Variants in KCNJ16 observed in about 807,000 individuals in gnomAD.
KCNJ16 encodes potassium inwardly rectifying channel subfamily J member 16, also known as inward rectifier potassium channel 16.
KCNJ16 carries 15 observed loss-of-function variants against 18.5 expected under a neutral mutation model. The ratio of observed to expected loss-of-function variants is 0.81; its 90% CI spans 0.54 to 1.25. KCNJ16 has a LOEUF of 1.25. Among genes scored for constraint, KCNJ16 ranks in the 50% most tolerant of loss-of-function variants. The pLI is 0.00. For synonymous variants in KCNJ16, 174 were observed against 186.5 expected (o/e 0.93, Z 0.55); for missense variants, 523 against 525.7 (o/e 0.99, Z 0.05).
chr17:70,108,945 T>C, intron 2 of KCNJ16, among the ~76,000 whole-genome samples: 1 of 152,030 alleles, frequency 6.6e-6, no homozygotes, highest in South Asian at 2.1e-4. Context: ...GTCCTTCTGC[T>C]CTGGGCCGTG....
chr17:70,100,881 T>A (rs1214614575), intron 2 of KCNJ16, 115 bp downstream of exon 2: 1 of 152,252 alleles, frequency 6.6e-6, no homozygotes, highest in African/African-American at 2.4e-5. Context: ...AGCTTTCTAC[T>A]TATACGTTTA....
rs373471982 is a variant in KCNJ16 at position 70,095,001 on chromosome 17, AACAG to A, written c.-299-5650_-299-5647del. 6.2e-4 allele frequency among the ~76,000 whole-genome samples: 94 copies of A among 152,346 alleles called. 1 individual carries two copies. Among genetic ancestry groups the A allele is most frequent in the African/African-American group, 2.1e-3 (87 of 41,584 alleles). On this transcript the variant is annotated intron_variant, in intron 1 of 3. Coordinates refer to ENST00000392671, the MANE Select transcript of KCNJ16 (RefSeq NM_170741.4). ...TCAATCAACCTTTCATATATTGGCT[AACAG>A]ACAGACTTCTAAGAAAACCAAGCTT...
intron 1 of KCNJ16, among the ~76,000 whole-genome samples, chr17:70,096,181 C>A (rs12942690): frequency 0.84 from 127,934 of 152,032 alleles, 53,915 homozygotes; most frequent in East Asian, 0.96. Context: ...CCGCACCCAG[C>A]CTACTCAATC....
intron 2 of KCNJ16, among the ~76,000 whole-genome samples, chr17:70,117,323 CA>C (rs1260412833): frequency 6.6e-6 from 1 of 152,136 alleles, no homozygotes; most frequent in East Asian, 1.9e-4. Context: ...GGCAGGGCTT[CA>C]AGGTTTGGAA....
rs576966138 is a variant in KCNJ16, at chr17:70,120,126, T to G, written c.-190-10753T>G. Among the ~76,000 whole-genome samples, 110 of 152,300 alleles carry G rather than the reference T, an allele frequency of 7.2e-4. 1 individual carries two copies. The highest frequency in any genetic ancestry group is 6.0e-3 in the South Asian group (29 of 4,830). On this transcript the variant is annotated intron_variant, in intron 2 of 3. Transcript: ENST00000392671. The stretch of plus-strand genomic sequence containing the variant: ...ACTATGAAGTTCACACTTCCACAGA[T>G]CCCTAGGGCAGAGGCACAATGCAGC...
At chr17:70,077,075 T>G (rs1325574310) in intron 1 of KCNJ16, among the ~76,000 whole-genome samples, 1 of 152,198 alleles carries the variant, frequency 6.6e-6, no homozygotes, top group Admixed American at 6.6e-5. Flanking sequence ...AGAAGAGCAG[T>G]TCAGGCAGAT....
intron 1 of KCNJ16, among the ~76,000 whole-genome samples, chr17:70,081,020 G>A (rs2071530012): frequency 1.3e-5 from 2 of 152,154 alleles, no homozygotes; most frequent in African/African-American, 2.4e-5. Context: ...TAGCTGACCT[G>A]TTAGTGTTCT....
At chr17:70,131,872 C>T (rs1598189813) in intron 3 of KCNJ16, 123 bp from the exon 4 acceptor site, 1 of 806,820 alleles carries the variant, frequency 1.2e-6, no homozygotes, top group East Asian at 2.7e-5. Flanking sequence ...ATACTGTGCA[C>T]CTAATGTTCA....
chr17:70,105,170 T>C (rs2072863850), intron 2 of KCNJ16: 1 of 152,244 alleles, frequency 6.6e-6, no homozygotes, highest in African/African-American at 2.4e-5. Flanking sequence ...TCCCCGCTAA[T>C]ATGCATCTTT....
At chr17:70,103,285 T>TGTGTG (rs1555589087) in intron 2 of KCNJ16, among the ~76,000 whole-genome samples, 16 of 25,390 alleles carry the variant, frequency 6.3e-4, no homozygotes, top group East Asian at 5.3e-3. Context: ...AATATGCATA[T>TGTGTG]ATGTGTGTGT....
intron 1 of KCNJ16, among the ~76,000 whole-genome samples, chr17:70,084,441 T>C (rs949069188): frequency 6.6e-6 from 1 of 152,162 alleles, no homozygotes; most frequent in African/African-American, 2.4e-5. Context: ...TAAAATGAGA[T>C]TAATACACAC....
At chr17:70,128,520 A>G (rs1450575469) in intron 2 of KCNJ16, 1 of 152,106 alleles carries the variant, frequency 6.6e-6, no homozygotes, top group Non-Finnish European at 1.5e-5. Flanking sequence ...CGCTTCACCA[A>G]CCTGAGTGCA....
chr17:70,110,402 C>G (rs1378074690), intron 2 of KCNJ16, among the ~76,000 whole-genome samples: 1 of 152,036 alleles, frequency 6.6e-6, no homozygotes, highest in Non-Finnish European at 1.5e-5. Flanking sequence ...TCACAGACAA[C>G]CTAGAGCCTA....
At chr17:70,107,431 G>A (rs1046655279) in intron 2 of KCNJ16, among the ~76,000 whole-genome samples, 3 of 152,148 alleles carry the variant, frequency 2.0e-5, no homozygotes, top group African/African-American at 4.8e-5. Flanking sequence ...GTAAGAAACA[G>A]AAACATCTAT....
chr17:70,114,368 T>G (rs973356438), intron 2 of KCNJ16, among the ~76,000 whole-genome samples: 1 of 152,184 alleles, frequency 6.6e-6, no homozygotes, highest in East Asian at 1.9e-4. Context: ...AATGGGAAAA[T>G]AGCAACAGAG....
In KCNJ16 at chr17:70,103,187, AAT is replaced by A. The variant is rs994651421; in HGVS notation, c.-191+2428_-191+2429del. On this transcript the variant is annotated intron_variant, in intron 2 of 3. Coordinates refer to ENST00000392671, the MANE Select transcript of KCNJ16 (RefSeq NM_170741.4). ...TTTAATATATATTTATGTGTATATA[AAT>A]ATATATGTGTATATATATTTTTGTG... Among the ~76,000 whole-genome samples the A allele has an allele frequency of 4.2e-4, 60 of 144,204 alleles. 1 individual carries two copies. The highest frequency in any genetic ancestry group is 1.4e-3 in the East Asian group (7 of 5,054). The allele number at this position is 144,204 out of a possible 152,430, so 94.6% of individuals were successfully genotyped here.
At chr17:70,078,847 G>A (rs1241547830) in intron 1 of KCNJ16, among the ~76,000 whole-genome samples, 1 of 152,128 alleles carries the variant, frequency 6.6e-6, no homozygotes, top group Non-Finnish European at 1.5e-5. Context: ...AGGGATGATA[G>A]CCAAGTTTGA....
At chr17:70,091,762 C>T (rs1303081612) in intron 1 of KCNJ16, among the ~76,000 whole-genome samples, 1 of 152,204 alleles carries the variant, frequency 6.6e-6, no homozygotes, top group Non-Finnish European at 1.5e-5. Context: ...TTTGCTTGAA[C>T]TGAATACATA....
chr17:70,099,766 T>C (rs769646823), intron 1 of KCNJ16, among the ~76,000 whole-genome samples: 3 of 152,136 alleles, frequency 2.0e-5, no homozygotes, highest in Non-Finnish European at 2.9e-5. Context: ...TTCGCTCAAA[T>C]TCACACAAAA....
Sources: allele counts gnomAD v4.1 joint callset (sites outside exome capture counted in the v4.1 genomes callset), GRCh38; gene constraint gnomAD v4.1.1; transcripts MANE v1.5; gene names NCBI Gene and HGNC (gene_info 2026-07-23, HGNC 2026-07-21).